The following CCDC178 variants were observed in gnomAD, a reference collection of about 807,000 sequenced individuals.
CCDC178 encodes the protein coiled-coil domain containing 178.
In CCDC178, 126 loss-of-function variants were observed where a neutral mutation model predicts 117.4. The ratio of observed to expected loss-of-function variants is 1.07; its 90% confidence interval spans 0.93 to 1.24. The LOEUF (loss-of-function observed/expected upper bound fraction) is 1.24. Among genes scored for constraint, CCDC178 ranks in the 50% most tolerant of loss-of-function variants. CCDC178 has a pLI of 0.00. For synonymous variants in CCDC178, 283 were observed against 313.4 expected (o/e 0.90, Z 1.02); for missense variants, 1,030 against 986.9 (o/e 1.04, Z -0.59).
At chr18:33,104,956 T>C (rs534825344) in intron 20 of CCDC178, among the ~76,000 whole-genome samples, 39 of 151,806 alleles carry the variant, frequency 2.6e-4, no homozygotes, top group Admixed American at 1.4e-3. Flanking sequence ...CAAATACAAT[T>C]ATATTCTTTT....
chr18:33,420,160 G>A (rs1361682903), intron 2 of CCDC178, among the ~76,000 whole-genome samples: 3 of 152,042 alleles, frequency 2.0e-5, no homozygotes, highest in Non-Finnish European at 2.9e-5. Flanking sequence ...GATGGAGCTG[G>A]AGACTGTTAA....
At chr18:32,985,911 A>T (rs2055252629) in intron 21 of CCDC178, among the ~76,000 whole-genome samples, 1 of 152,022 alleles carries the variant, frequency 6.6e-6, no homozygotes, top group Non-Finnish European at 1.5e-5. Flanking sequence ...GAACAAGTAT[A>T]GTTCTACCAA....
chr18:33,086,194 A>T (rs2057375786), intron 21 of CCDC178, among the ~76,000 whole-genome samples: 1 of 151,966 alleles, frequency 6.6e-6, no homozygotes, highest in South Asian at 2.1e-4. Flanking sequence ...TATCAAAGAA[A>T]GTCAGCATTC....
intron 14 of CCDC178, among the ~76,000 whole-genome samples, chr18:33,251,665 T>C (rs1460312884): frequency 6.6e-6 from 1 of 151,728 alleles, no homozygotes; most frequent in Non-Finnish European, 1.5e-5. Flanking sequence ...TGAAGATCAT[T>C]CTCTCTTTCT....
intron 20 of CCDC178, among the ~76,000 whole-genome samples, chr18:33,125,277 A>G (rs2057990179): frequency 6.6e-6 from 1 of 152,332 alleles, no homozygotes; most frequent in Admixed American, 6.5e-5. Flanking sequence ...ATGATAGCAC[A>G]ACATTTGATA....
At chr18:33,119,733 C>A (rs1322097385) in intron 20 of CCDC178, among the ~76,000 whole-genome samples, 1 of 152,118 alleles carries the variant, frequency 6.6e-6, no homozygotes, top group Non-Finnish European at 1.5e-5. Context: ...GACACATGCA[C>A]ACGTATGTTT....
At chr18:33,166,409 T>C (rs1359617716) in intron 20 of CCDC178, among the ~76,000 whole-genome samples, 7 of 152,084 alleles carry the variant, frequency 4.6e-5, no homozygotes, top group South Asian at 2.1e-4. Context: ...ATGAATGACA[T>C]AGAAACTTAG....
chr18:33,390,090 C>T (rs1017232008), intron 4 of CCDC178, among the ~76,000 whole-genome samples: 1 of 148,060 alleles, frequency 6.8e-6, no homozygotes, highest in Non-Finnish European at 1.5e-5. Flanking sequence ...ATTATAAATC[C>T]TATATAAGTT....
At chr18:33,382,280 C>T (rs981208284) in intron 5 of CCDC178, among the ~76,000 whole-genome samples, 1 of 152,162 alleles carries the variant, frequency 6.6e-6, no homozygotes, top group African/African-American at 2.4e-5. Flanking sequence ...TCTCTTTCCA[C>T]CACTTTCCAC....
chr18:33,328,009 A>C, intron 10 of CCDC178: 2 of 371,582 alleles, frequency 5.4e-6, no homozygotes, highest in East Asian at 2.1e-4. Flanking sequence ...AATTTTGACT[A>C]AGTCCTATTT....
At chr18:33,187,398 C>T (rs1037979125) in intron 20 of CCDC178, among the ~76,000 whole-genome samples, 2 of 152,006 alleles carry the variant, frequency 1.3e-5, no homozygotes, top group African/African-American at 4.8e-5. Context: ...TCTCTCCTGA[C>T]GAAGGAAGTT....
Position 33,063,948 on chromosome 18 carries a change from C to T in CCDC178, c.2388+28813G>A, listed in dbSNP as rs181868473. On this transcript the variant is annotated intron_variant, in intron 21 of 22. Coordinates refer to ENST00000383096, the MANE Select transcript of CCDC178 (RefSeq NM_001105528.4). ...GCTGATTACAGCCAAATAAATCATACAGAGACTACACTATTGTGCCTACCC... is the reference window on the plus strand; with the variant it reads ...GCTGATTACAGCCAAATAAATCATATAGAGACTACACTATTGTGCCTACCC... 3.7e-4 allele frequency among the ~76,000 whole-genome samples: 57 copies of T among 152,290 alleles called. 1 individual carries two copies. The highest frequency in any genetic ancestry group is 3.4e-3 in the Middle Eastern group (1 of 294).
At chr18:33,315,330 C>G (rs995679312) in intron 11 of CCDC178, among the ~76,000 whole-genome samples, 1 of 152,116 alleles carries the variant, frequency 6.6e-6, no homozygotes, top group Non-Finnish European at 1.5e-5. Context: ...TTAAAAACAA[C>G]GAAAAGACAT....
chr18:32,972,549 C>T (rs974460746), intron 22 of CCDC178, among the ~76,000 whole-genome samples: 1 of 151,988 alleles, frequency 6.6e-6, no homozygotes, highest in African/African-American at 2.4e-5. Context: ...TTTTCCAATT[C>T]TGTGAAGAAA....
intron 5 of CCDC178, among the ~76,000 whole-genome samples, chr18:33,378,043 C>T (rs2063388067): frequency 6.6e-6 from 1 of 152,172 alleles, no homozygotes; most frequent in Admixed American, 6.5e-5. Context: ...AGCCATACGG[C>T]CATTTAATCG....
chr18:33,175,587 G>A (rs745876701), intron 20 of CCDC178, among the ~76,000 whole-genome samples: 14 of 152,120 alleles, frequency 9.2e-5, no homozygotes, highest in Non-Finnish European at 1.5e-4. Context: ...ACTTCGCAGA[G>A]GCAGTGCTTT....
At chr18:33,275,119 TTACTTTGCTA>T (rs2059932704) in intron 12 of CCDC178, among the ~76,000 whole-genome samples, 2 of 152,044 alleles carry the variant, frequency 1.3e-5, no homozygotes, top group Admixed American at 1.3e-4. Context: ...AAAAATGTAT[TTACTTTGCTA>T]TCAGGCAGGA....
chr18:33,040,723 A>T (rs1368101874), intron 21 of CCDC178, among the ~76,000 whole-genome samples: 1 of 151,988 alleles, frequency 6.6e-6, no homozygotes, highest in Admixed American at 6.6e-5. Context: ...CAAGGAAAAA[A>T]AGTATGAGTT....
At chr18:33,288,736 T>C (rs1368261938) in intron 12 of CCDC178, among the ~76,000 whole-genome samples, 1 of 151,986 alleles carries the variant, frequency 6.6e-6, no homozygotes, top group African/African-American at 2.4e-5. Context: ...CACCAAGGAT[T>C]TTCTTCCTTC....
Sources: gnomAD v4.1 joint callset for allele counts (sites outside exome capture counted in the v4.1 genomes callset) on GRCh38, gnomAD v4.1.1 for gene constraint, MANE v1.5 for transcripts, NCBI Gene and HGNC (gene_info 2026-07-23, HGNC 2026-07-21) for gene names.